DOCK10: variants seen among roughly 807,000 people sequenced by gnomAD.
The protein encoded by DOCK10 is dedicator of cytokinesis protein 10.
A neutral mutation model predicts 280.1 loss-of-function variants in DOCK10; 145 were observed. The observed-to-expected ratio is 0.52, with a 90% CI of 0.45 to 0.59. DOCK10 has a LOEUF of 0.59. Among genes scored for constraint, DOCK10 ranks in the 20% least tolerant of loss-of-function variants. DOCK10 has a pLI of 0.00. For missense variants in DOCK10, 2,368 were observed against 2,651.7 expected (o/e 0.89, Z 2.35); for synonymous variants, 915 against 942.2 (o/e 0.97, Z 0.53).
At chr2:225,012,522 G>C (rs865869260) in intron 1 of DOCK10, among the ~76,000 whole-genome samples, 19 of 152,218 alleles carry the variant, frequency 1.2e-4, no homozygotes, top group Middle Eastern at 3.4e-3. Context: ...TACTTGTATA[G>C]TGCTTGCTTT....
chr2:224,851,273 T>C lies in DOCK10; in HGVS notation c.2142+1104A>G, dbSNP rs1696711499. Among the ~76,000 whole-genome samples, 3 of 152,284 alleles carry C rather than the reference T, an allele frequency of 2.0e-5. No homozygotes were observed. In the South Asian group the frequency reaches 6.2e-4, roughly 32 times the overall value. ...GCAAGGGACGCACATGTGATTGTTA[T>C]TCTTTTCTAGAATTTTCCTCACAAA... On this transcript the variant is annotated intron_variant, in intron 18 of 55. Coordinates refer to ENST00000258390, the MANE Select transcript of DOCK10 (RefSeq NM_014689.3).
intron 1 of DOCK10, among the ~76,000 whole-genome samples, chr2:224,937,082 G>A (rs1454673563): frequency 2.6e-5 from 4 of 152,152 alleles, no homozygotes; most frequent in Non-Finnish European, 5.9e-5. Flanking sequence ...AAGGAGATGG[G>A]CAATTAGCAA....
At position 224,773,289 on chromosome 2, in the gene DOCK10, T is replaced by G; in HGVS notation, c.6072A>C (p.Thr2024=). 6.2e-7 allele frequency: 1 copy of G among 1,613,928 alleles called. No individual in the cohort carries two copies. Among genetic ancestry groups the G allele is most frequent in the Non-Finnish European group, 8.5e-7 (1 of 1,179,872 alleles). Residue 2024 remains threonine (T), a synonymous_variant, in exon 53 of 56, where the codon ACA becomes ACC. Transcript: ENST00000258390. ...TTGCCACTTCAATTGGATTCAGTTC[T>G]GTGCTCGATTGGCTAATTACTTGTA... is the stretch of plus-strand genomic sequence containing the variant. ...KRIQVISQSS[T]ELNPIEVAID... is the part of the protein sequence containing the mutation.
At chr2:224,886,858 G>T (rs535238204) in intron 4 of DOCK10, among the ~76,000 whole-genome samples, 1 of 149,756 alleles carries the variant, frequency 6.7e-6, no homozygotes, top group Admixed American at 6.6e-5. Context: ...GGGTTGAAGC[G>T]ATTCTCATGC....
intron 1 of DOCK10, among the ~76,000 whole-genome samples, chr2:224,966,685 C>T (rs940755764): frequency 6.6e-6 from 1 of 152,170 alleles, no homozygotes; most frequent in Non-Finnish European, 1.5e-5. Flanking sequence ...AGGGGAATAA[C>T]TCTCATTTTA....
intron 50 of DOCK10, chr2:224,784,853 G>C (rs1223030105): frequency 8.6e-6 from 9 of 1,042,642 alleles, no homozygotes; most frequent in African/African-American, 1.6e-5. Flanking sequence ...CTCATATATT[G>C]GTTGCAGAAA....
chr2:224,939,178 T>C (rs1255329410), intron 1 of DOCK10, among the ~76,000 whole-genome samples: 1 of 152,238 alleles, frequency 6.6e-6, no homozygotes, highest in Non-Finnish European at 1.5e-5. Context: ...CGGTAAAGCA[T>C]AAAATGTTTT....
intron 1 of DOCK10, among the ~76,000 whole-genome samples, chr2:224,974,467 T>G (rs1376438859): frequency 6.6e-6 from 1 of 152,160 alleles, no homozygotes; most frequent in Non-Finnish European, 1.5e-5. Context: ...ATATCTGGTT[T>G]GCCAAAAGAC....
chr2:224,834,028 A>T (rs1021151529), intron 26 of DOCK10, 122 bp downstream of exon 26: 1 of 637,128 alleles, frequency 1.6e-6, no homozygotes, highest in African/African-American at 1.8e-5. Context: ...TTCAATATGA[A>T]CCTTATGCTG....
chr2:224,963,337 C>T (rs1288878929), intron 1 of DOCK10, among the ~76,000 whole-genome samples: 1 of 152,100 alleles, frequency 6.6e-6, no homozygotes, highest in Non-Finnish European at 1.5e-5. Flanking sequence ...CTGATATATT[C>T]GCAGTTAATA....
At chr2:224,895,834 T>C (rs1027982896) in intron 4 of DOCK10, among the ~76,000 whole-genome samples, 1 of 119,730 alleles carries the variant, frequency 8.4e-6, no homozygotes, top group Non-Finnish European at 1.7e-5. Context: ...TGTGTGTGCG[T>C]GTGTGTGTAT....
chr2:224,810,083 G>A (rs1223738014), intron 31 of DOCK10, among the ~76,000 whole-genome samples: 1 of 150,834 alleles, frequency 6.6e-6, no homozygotes, highest in African/African-American at 2.4e-5. Flanking sequence ...AAACACAGAA[G>A]GACAAATACT....
chr2:224,920,595 G>GTTAC (rs35377482), intron 2 of DOCK10, among the ~76,000 whole-genome samples: 87,706 of 151,080 alleles, frequency 0.58, 25,947 homozygotes, highest in Non-Finnish European at 0.64. Context: ...GATATATGGT[G>GTTAC]TTGCTTGGTT....
intron 1 of DOCK10, among the ~76,000 whole-genome samples, chr2:225,029,185 A>G (rs1376913918): frequency 6.6e-6 from 1 of 151,918 alleles, no homozygotes; most frequent in East Asian, 1.9e-4. Flanking sequence ...TTATTTATTT[A>G]TTTTGAGATG....
chr2:224,830,102 C>G (rs1334177097), intron 27 of DOCK10, among the ~76,000 whole-genome samples: 1 of 152,208 alleles, frequency 6.6e-6, no homozygotes, highest in African/African-American at 2.4e-5. Context: ...CAGTCAACGA[C>G]TTAGCTTGCA....
chr2:224,862,588 A>C, intron 14 of DOCK10, 76 bp downstream of exon 14: 1 of 1,236,162 alleles, frequency 8.1e-7, no homozygotes. Context: ...AGGCAACACA[A>C]AAACGTTCAA....
At position 224,961,458 on chromosome 2, in the gene DOCK10, CTTTCTTTCTT is replaced by C. The variant is rs1480193753; in HGVS notation, c.124-29800_124-29791del. Among the ~76,000 whole-genome samples, 887 of 129,678 alleles carry C rather than the reference CTTTCTTTCTT, an allele frequency of 6.8e-3. 5 individuals are homozygous for C. Among genetic ancestry groups the C allele is most frequent in the Non-Finnish European group, 8.1e-3 (485 of 59,810 alleles). 85.1% of individuals were successfully genotyped at this position (129,678 alleles called of 152,430 possible). On this transcript the variant is annotated intron_variant, in intron 1 of 55. Coordinates refer to ENST00000258390, the MANE Select transcript of DOCK10 (RefSeq NM_014689.3). ...TCTTTCTTTCTTTCTTTCTTTCTTT[CTTTCTTTCTT>C]TTTCTTTCTTTCTTTCTCTTTCTTT...
At chr2:224,866,106 C>T (rs1422441041) in intron 11 of DOCK10, among the ~76,000 whole-genome samples, 2 of 152,310 alleles carry the variant, frequency 1.3e-5, no homozygotes, top group East Asian at 3.9e-4. Flanking sequence ...CCTTTCGATG[C>T]TGCCAGTTGA....
At chr2:224,853,146 T>C in intron 16 of DOCK10, 24 bp from the exon 17 acceptor site, 1 of 1,531,536 alleles carries the variant, frequency 6.5e-7, no homozygotes, top group African/African-American at 1.4e-5. Flanking sequence ...AAAATAAGAG[T>C]TTGTCATTTA....
Sources: gnomAD v4.1 joint callset for allele counts (sites outside exome capture counted in the v4.1 genomes callset) on GRCh38, gnomAD v4.1.1 for gene constraint, MANE v1.5 for transcripts, NCBI Gene and HGNC (gene_info 2026-07-23, HGNC 2026-07-21) for gene names.